COP1: variants seen among roughly 807,000 people sequenced by gnomAD.
The protein encoded by COP1 is COP1 E3 ubiquitin ligase.
COP1 carries 24 observed loss-of-function variants against 101.3 expected under a neutral mutation model. That is an observed-to-expected ratio of 0.24 (90% CI 0.17 to 0.33). COP1 has a LOEUF of 0.33. Ranked by LOEUF, COP1 falls within the 10% of genes least tolerant of loss-of-function variation. The pLI is 1.00. For synonymous variants in COP1, 347 were observed against 341.9 expected (o/e 1.01, Z -0.17); for missense variants, 663 against 906.2 (o/e 0.73, Z 3.45).
intron 18 of COP1, 131 bp from the exon 19 acceptor site, chr1:175,947,370 A>ATTTTT: frequency 1.8e-5 from 9 of 490,174 alleles, no homozygotes; most frequent in East Asian, 3.7e-5. Flanking sequence ...TGAAGATACA[A>ATTTTT]TTTTTTTTTT....
At chr1:176,184,245 T>C (rs899477338) in intron 2 of COP1, among the ~76,000 whole-genome samples, 11 of 152,216 alleles carry the variant, frequency 7.2e-5, no homozygotes, top group African/African-American at 2.4e-4. Flanking sequence ...TTTTTAATCC[T>C]GTATTCTTTT....
intron 11 of COP1, among the ~76,000 whole-genome samples, chr1:176,077,688 A>C (rs933883457): frequency 2.6e-5 from 4 of 152,212 alleles, no homozygotes; most frequent in Admixed American, 6.5e-5. Context: ...ATGGCATCCA[A>C]ATAGGAAAAG....
At chr1:176,018,182 A>T (rs1037603858) in intron 15 of COP1, among the ~76,000 whole-genome samples, 2 of 152,218 alleles carry the variant, frequency 1.3e-5, no homozygotes, top group African/African-American at 4.8e-5. Flanking sequence ...TAATCTCTCC[A>T]ACCCTTACCA....
chr1:176,080,481 C>T (rs1678916828), intron 11 of COP1, among the ~76,000 whole-genome samples: 1 of 152,068 alleles, frequency 6.6e-6, no homozygotes, highest in African/African-American at 2.4e-5. Context: ...CAAGAGCTGG[C>T]TCTCTGGGAA....
At chr1:176,007,843 A>G (rs1411656397) in intron 15 of COP1, among the ~76,000 whole-genome samples, 1 of 152,240 alleles carries the variant, frequency 6.6e-6, no homozygotes, top group Non-Finnish European at 1.5e-5. Flanking sequence ...AGAGGCAGGC[A>G]GGCCTCCTTC....
intron 9 of COP1, among the ~76,000 whole-genome samples, chr1:176,088,685 T>A (rs1287016724): frequency 6.6e-6 from 1 of 152,178 alleles, no homozygotes; most frequent in African/African-American, 2.4e-5. Context: ...ATTACTGGAA[T>A]AGTTCTTAGC....
chr1:176,147,203 G>A (rs1229804497), intron 6 of COP1, among the ~76,000 whole-genome samples: 1 of 152,072 alleles, frequency 6.6e-6, no homozygotes, highest in Non-Finnish European at 1.5e-5. Flanking sequence ...TCATTTTGAA[G>A]ATTAAACACG....
chr1:176,040,429 T>C (rs1003825482), intron 14 of COP1, among the ~76,000 whole-genome samples: 1 of 152,060 alleles, frequency 6.6e-6, no homozygotes, highest in African/African-American at 2.4e-5. Flanking sequence ...GAGATCCTCC[T>C]GCCCCAGTTT....
chr1:175,971,223 G>A (rs966054231), intron 18 of COP1, among the ~76,000 whole-genome samples: 1 of 152,166 alleles, frequency 6.6e-6, no homozygotes, highest in Admixed American at 6.5e-5. Flanking sequence ...GTATTTTGTA[G>A]TAACTTTTTT....
chr1:175,978,944 T>C (rs1171688272), intron 18 of COP1, among the ~76,000 whole-genome samples: 1 of 152,178 alleles, frequency 6.6e-6, no homozygotes, highest in East Asian at 1.9e-4. Flanking sequence ...GTATCTTACT[T>C]TTTTGGATTT....
At chr1:176,147,546 T>C (rs1691751909) in intron 6 of COP1, among the ~76,000 whole-genome samples, 1 of 152,200 alleles carries the variant, frequency 6.6e-6, no homozygotes, top group African/African-American at 2.4e-5. Flanking sequence ...CTAGTATGTT[T>C]CTTGGTTAAC....
chr1:176,015,387 AACG>A (rs1444856712), intron 15 of COP1, among the ~76,000 whole-genome samples: 1 of 151,946 alleles, frequency 6.6e-6, no homozygotes, highest in African/African-American at 2.4e-5. Context: ...TCCAATTAAC[AACG>A]ACAAGGTCTG....
At chr1:176,125,062 G>C (rs1349980787) in intron 8 of COP1, among the ~76,000 whole-genome samples, 1 of 151,816 alleles carries the variant, frequency 6.6e-6, no homozygotes, top group Non-Finnish European at 1.5e-5. Flanking sequence ...TGTTTGTCTT[G>C]AGAAATGTCT....
At chr1:175,994,038 G>C (rs4298691) in intron 15 of COP1, among the ~76,000 whole-genome samples, 142,555 of 152,282 alleles carry the variant, frequency 0.94, 67,234 homozygotes, top group East Asian at 1. Context: ...AGACTAAGAG[G>C]GGATCTCTGG....
chr1:176,182,381 C>T (rs1234651184), intron 2 of COP1, among the ~76,000 whole-genome samples: 6 of 152,074 alleles, frequency 3.9e-5, no homozygotes, highest in East Asian at 1.9e-4. Flanking sequence ...GTTCTTTTAG[C>T]GCTAGATGAG....
intron 6 of COP1, among the ~76,000 whole-genome samples, chr1:176,138,007 G>C (rs1306272633): frequency 1.3e-5 from 2 of 151,952 alleles, no homozygotes; most frequent in Non-Finnish European, 2.9e-5. Flanking sequence ...ACGTATTAAG[G>C]GAATATAGAC....
At position 176,085,763 on chromosome 1, in the gene COP1, T is replaced by G. The variant is rs1680027003; in HGVS notation, c.1141+13A>C. 2.8e-6 allele frequency: 4 copies of G among 1,435,144 alleles called. No individual in the cohort carries two copies. The East Asian group carries it at 9.2e-5, about 33-fold the overall frequency. The allele number at this position is 1,435,144 out of a possible 1,614,324, so 88.9% of individuals were successfully genotyped here. On this transcript the variant is annotated intron_variant, in intron 10 of 19. Transcript: ENST00000367669. ...GTAGATTTCAGATAATTTGAGAAGG[T>G]CTAAATATATACCTGAGATACGAGA...
intron 11 of COP1, among the ~76,000 whole-genome samples, chr1:176,063,026 G>A (rs977350124): frequency 1.3e-5 from 2 of 148,784 alleles, no homozygotes; most frequent in African/African-American, 4.9e-5. Flanking sequence ...GCAAGTGGTG[G>A]AAGAGAAAAT....
chr1:176,046,647 G>A (rs1671574076), intron 11 of COP1, among the ~76,000 whole-genome samples: 1 of 151,938 alleles, frequency 6.6e-6, no homozygotes, highest in South Asian at 2.1e-4. Flanking sequence ...TGAATCATTT[G>A]ATATACTAAA....
Sources: allele counts gnomAD v4.1 joint callset (sites outside exome capture counted in the v4.1 genomes callset), GRCh38; gene constraint gnomAD v4.1.1; transcripts MANE v1.5; gene names NCBI Gene and HGNC (gene_info 2026-07-23, HGNC 2026-07-21).